The following CLTCL1 variants were observed in gnomAD, a reference collection of about 807,000 sequenced individuals.
CLTCL1 encodes the protein clathrin heavy chain 2.
In CLTCL1, 159 loss-of-function variants were observed where a neutral mutation model predicts 190.0. That is an observed-to-expected ratio of 0.84 (90% CI 0.74 to 0.95). The LOEUF (loss-of-function observed/expected upper bound fraction) is 0.95. Among genes scored for constraint, CLTCL1 ranks in the 40% least tolerant of loss-of-function variants. The pLI, the probability that CLTCL1 is intolerant of heterozygous loss-of-function variation, is 0.00. For synonymous variants in CLTCL1, 752 were observed against 769.6 expected, an observed-to-expected ratio of 0.98 and a Z score of 0.38; for missense variants, 1,878 against 2,033.4, an observed-to-expected ratio of 0.92 and a Z score of 1.47.
intron 2 of CLTCL1, among the ~76,000 whole-genome samples, chr22:19,257,223 T>C (rs1179743110): frequency 6.6e-6 from 1 of 152,128 alleles, no homozygotes; most frequent in African/African-American, 2.4e-5. Flanking sequence ...AGCAAATGTA[T>C]GGTAACAGCA....
chr22:19,282,340 A>G (rs1418155649), intron 1 of CLTCL1, among the ~76,000 whole-genome samples: 1 of 151,174 alleles, frequency 6.6e-6, no homozygotes, highest in Non-Finnish European at 1.5e-5. Context: ...AAAAAAAAAA[A>G]AGAAATAGGC....
At chr22:19,208,433 C>CA (rs2085117260) in intron 21 of CLTCL1, 122 bp from the exon 22 acceptor site, 1 of 1,125,634 alleles carries the variant, frequency 8.9e-7, no homozygotes, top group Non-Finnish European at 1.3e-6. Context: ...ACTGGGAACT[C>CA]AGACTCCAGA....
chr22:19,234,806 C>G (rs2086028267), intron 6 of CLTCL1, 100 bp from the exon 7 acceptor site: 1 of 1,101,408 alleles, frequency 9.1e-7, no homozygotes, highest in Admixed American at 2.0e-5. Flanking sequence ...GCCACATTCT[C>G]AGGCGAGTGT....
At chr22:19,202,459 G>A (rs9605959) in intron 22 of CLTCL1, among the ~76,000 whole-genome samples, 2 of 54,860 alleles carry the variant, frequency 3.6e-5, no homozygotes, top group African/African-American at 1.5e-4. Context: ...GGCACCTCCC[G>A]CACCACCCCT....
chr22:19,250,555 C>CT (rs78214698), intron 3 of CLTCL1, among the ~76,000 whole-genome samples: 9,313 of 99,046 alleles, frequency 0.094, 361 homozygotes, highest in Middle Eastern at 0.21. Context: ...TTTTTTTTAA[C>CT]TTTTTTAATT....
At chr22:19,275,431 C>T (rs1215223796) in intron 2 of CLTCL1, among the ~76,000 whole-genome samples, 192 bp downstream of exon 2, 2 of 151,658 alleles carry the variant, frequency 1.3e-5, no homozygotes, top group African/African-American at 2.4e-5. Flanking sequence ...GTGATGTTAC[C>T]AAGAAGCTCT....
chr22:19,229,514 A>G (rs2085852984), intron 11 of CLTCL1, among the ~76,000 whole-genome samples: 2 of 152,248 alleles, frequency 1.3e-5, no homozygotes, highest in African/African-American at 4.8e-5. Flanking sequence ...ATGGCTGCAT[A>G]GCATTGTGAA....
At chr22:19,291,074 G>C (rs1268078076) in intron 1 of CLTCL1, among the ~76,000 whole-genome samples, 4 of 152,320 alleles carry the variant, frequency 2.6e-5, no homozygotes, top group Admixed American at 2.6e-4. Context: ...TTATTAAAAA[G>C]GCAGGCTTTG....
At position 19,193,105 on chromosome 22, in the gene CLTCL1, G is replaced by A. The variant is rs976133244; in HGVS notation, c.4192-1670C>T. ...AACCACAAGGCTCCTCAGGCCTCCC[G>A]TGAAGGAGAGGAACCATCCAAGGAC... On this transcript the variant is annotated intron_variant, in intron 26 of 32. Transcript: ENST00000427926. Among the ~76,000 whole-genome samples the A allele has an allele frequency of 8.6e-5, 13 of 151,348 alleles. No individual in the cohort carries two copies. The East Asian group carries it at 1.8e-3, about 21-fold the overall frequency.
intron 2 of CLTCL1, among the ~76,000 whole-genome samples, chr22:19,260,918 A>C (rs2146167763): frequency 6.6e-6 from 1 of 151,480 alleles, no homozygotes; most frequent in African/African-American, 2.4e-5. Flanking sequence ...CACTGTTCAG[A>C]TCTACTGATC....
At position 19,272,768 on chromosome 22, in the gene CLTCL1, G is replaced by A. The variant is rs138287267; in HGVS notation, c.250+2855C>T. On this transcript the variant is annotated intron_variant, in intron 2 of 32. Transcript: ENST00000427926. ...ATTACAGGCGTGAGCCACCACGCCC[G>A]GCCTTAATTTAATTTAATATTATTT... Among the ~76,000 whole-genome samples, 1,421 of 152,152 alleles carry A rather than the reference G, an allele frequency of 9.3e-3. 31 individuals carry two copies. Among genetic ancestry groups the A allele is most frequent in the East Asian group, 0.065 (338 of 5,170 alleles).
At chr22:19,205,402 C>G (rs574072671) in intron 22 of CLTCL1, among the ~76,000 whole-genome samples, 1 of 152,004 alleles carries the variant, frequency 6.6e-6, no homozygotes, top group Non-Finnish European at 1.5e-5. Flanking sequence ...CCCAGCTACT[C>G]GGGAGGCTGA....
chr22:19,220,102 C>A, intron 17 of CLTCL1, 95 bp from the exon 18 acceptor site: 1 of 1,514,672 alleles, frequency 6.6e-7, no homozygotes, highest in Admixed American at 1.7e-5. Flanking sequence ...GTGCCTGATA[C>A]TGGTTTGGTG....
intron 3 of CLTCL1, 101 bp from the exon 4 acceptor site, chr22:19,243,037 G>A: frequency 1.8e-6 from 2 of 1,115,020 alleles, no homozygotes; most frequent in Non-Finnish European, 2.5e-6. Context: ...ATACATTAGA[G>A]GTATACTTCC....
Position 19,234,698 on chromosome 22 carries a change from T to C in CLTCL1, c.978A>G (p.Ser326=), listed in dbSNP as rs781826369. ...IGVNKKGQVL[S]VCVEEDNIVN... is the part of the protein sequence containing the mutation. ...CAATGTTATCTTCCTCAACACAAAC[T>C]GACAGTACCTGTAAGGACACAACAA... Residue 326 remains serine, a synonymous_variant, in exon 7 of 33, where the codon TCA becomes TCG. Transcript: ENST00000427926. 5 of 1,613,764 alleles carry C rather than the reference T, an allele frequency of 3.1e-6. No individual in the cohort carries two copies. The highest frequency in any genetic ancestry group is 1.1e-5 in the South Asian group (1 of 91,050).
chr22:19,220,112 G>C (rs560888767), intron 17 of CLTCL1, 105 bp from the exon 18 acceptor site: 1 of 1,403,146 alleles, frequency 7.1e-7, no homozygotes, highest in East Asian at 2.3e-5. Flanking sequence ...CTGGTTTGGT[G>C]GACAGTCAGG....
At chr22:19,234,241 G>T (rs997622240) in intron 7 of CLTCL1, among the ~76,000 whole-genome samples, 1 of 152,218 alleles carries the variant, frequency 6.6e-6, no homozygotes, top group South Asian at 2.1e-4. Context: ...CTAAGTTACA[G>T]AAATGTGAAA....
At chr22:19,190,040 A>T (rs1441337320) in intron 27 of CLTCL1, among the ~76,000 whole-genome samples, 1 of 152,156 alleles carries the variant, frequency 6.6e-6, no homozygotes, top group African/African-American at 2.4e-5. Flanking sequence ...TCCCGGGTTC[A>T]AGCGATTCTC....
chr22:19,210,525 G>T lies in CLTCL1; in HGVS notation c.3066-16C>A. On this transcript the variant is annotated splice_polypyrimidine_tract_variant and intron_variant, in intron 19 of 32. Transcript: ENST00000427926. The stretch of plus-strand genomic sequence containing the variant: ...CTGTAGATTCCTGAGGAGAGAGGGT[G>T]GTCAGCACGGCATCCCAGGAACGAA... 1 of 1,602,806 alleles carries T rather than the reference G, an allele frequency of 6.2e-7. No individual in the cohort carries two copies. Among genetic ancestry groups the T allele is most frequent in the South Asian group, 1.1e-5 (1 of 90,674 alleles).
Sources: allele counts gnomAD v4.1 joint callset (sites outside exome capture counted in the v4.1 genomes callset), GRCh38; gene constraint gnomAD v4.1.1; transcripts MANE v1.5; gene names NCBI Gene and HGNC (gene_info 2026-07-23, HGNC 2026-07-21).